Variants in TRMT2B observed in about 807,000 individuals in gnomAD.
TRMT2B encodes the protein tRNA methyltransferase 2B.
A neutral mutation model predicts 39.7 loss-of-function variants in TRMT2B; 34 were observed. The ratio of observed to expected loss-of-function variants is 0.86; its 90% CI spans 0.65 to 1.14. The LOEUF is 1.14. TRMT2B is among the 50% of genes most tolerant of loss of function. The pLI is 0.00. For missense variants in TRMT2B, 318 were observed against 377.2 expected, an observed-to-expected ratio of 0.84 and a Z score of 1.30; for synonymous variants, 132 against 137.3, an observed-to-expected ratio of 0.96 and a Z score of 0.27.
the TRMT2B span, among the ~76,000 whole-genome samples, chrX:100,991,223 G>C: frequency 0.044 from 4,853 of 111,408 alleles, 98 homozygotes; most frequent in Middle Eastern, 0.093. Context: ...ATGTCCTTGA[G>C]TGTCATGTCA....
chrX:100,995,805 T>C, the TRMT2B span, among the ~76,000 whole-genome samples: 87 of 112,162 alleles, frequency 7.8e-4, no homozygotes, highest in East Asian at 0.021. Flanking sequence ...TGAAATAATG[T>C]TAAGTGAAAA....
chrX:101,029,270 G>A (rs1274137185), intron 7 of TRMT2B, among the ~76,000 whole-genome samples: 1 of 110,655 alleles, frequency 9.0e-6, no homozygotes, highest in Non-Finnish European at 1.9e-5. Flanking sequence ...CTTATTCCAG[G>A]GTTTCTCAAC....
intron 13 of TRMT2B, among the ~76,000 whole-genome samples, chrX:101,017,333 T>C (rs1214651805): frequency 8.9e-6 from 1 of 111,918 alleles, no homozygotes; most frequent in Non-Finnish European, 1.9e-5. Flanking sequence ...CAGGTTTTTT[T>C]GTTTTGTAAG....
intron 13 of TRMT2B, chrX:101,015,551 A>G: frequency 1.9e-6 from 1 of 536,328 alleles, no homozygotes; most frequent in African/African-American, 2.5e-5. Flanking sequence ...AAATACCTTT[A>G]TAATATTGCC....
At chrX:101,032,738 T>C (rs2087564336) in intron 7 of TRMT2B, among the ~76,000 whole-genome samples, 1 of 95,316 alleles carries the variant, frequency 1.0e-5, no homozygotes, top group Non-Finnish European at 2.0e-5. Flanking sequence ...ATCGCACCAT[T>C]ACACTCCAGC....
At chrX:101,047,516 T>C (rs1191010500) in intron 2 of TRMT2B, among the ~76,000 whole-genome samples, 1 of 111,356 alleles carries the variant, frequency 9.0e-6, no homozygotes. Context: ...TGAAAGCACC[T>C]GGTTTTTGTT....
chrX:101,042,265 G>C lies in TRMT2B; in HGVS notation c.25C>G (p.Pro9Ala), dbSNP rs749483632. Residue 9 changes from proline (P) to alanine (A), a missense_variant, in exon 3 of 14, where the codon CCA becomes GCA. Transcript: ENST00000372936. The stretch of plus-strand genomic sequence containing the variant: ...ATGAAGTATCTGAGGCTGTGCAGTG[G>C]GACTCTTCTCTTAAGGCCTGCCATC... Reference protein sequence around the residue: MAGLKRRVPLHSLRYFISM... With the variant: MAGLKRRVALHSLRYFISM... The C allele has an allele frequency of 4.1e-6, 5 of 1,209,520 alleles. No homozygotes were observed. The East Asian group carries it at 1.5e-4, about 36-fold the overall frequency.
At chrX:101,020,084 T>C (rs1371927155) in intron 11 of TRMT2B, among the ~76,000 whole-genome samples, 1 of 111,848 alleles carries the variant, frequency 8.9e-6, no homozygotes, top group African/African-American at 3.2e-5. Context: ...AGATGATCTA[T>C]TTTCTATATT....
chrX:101,006,948 T>A (rs2086111349), downstream of TRMT2B, among the ~76,000 whole-genome samples: 1 of 112,068 alleles, frequency 8.9e-6, no homozygotes, highest in Admixed American at 9.6e-5. Flanking sequence ...AAGCAATGTT[T>A]ATATGCACTG....
At chrX:100,996,090 C>T in the TRMT2B span, among the ~76,000 whole-genome samples, 1 of 109,044 alleles carries the variant, frequency 9.2e-6, no homozygotes, top group East Asian at 2.8e-4. Context: ...GAACTGAATA[C>T]TAAGGGGGCT....
In TRMT2B at chrX:101,020,587, A is replaced by G; in HGVS notation, c.1068T>C (p.Gly356=). The change falls in exon 11 of 14, where the codon GGT becomes GGC. Residue 356 remains glycine, a splice_region_variant and synonymous_variant. Coordinates refer to ENST00000372936, the MANE Select transcript of TRMT2B (RefSeq NM_024917.6). ...GCTGAGCCAGAGAGAGGCCAATCAC[A>G]CCTGAAGAAGTAAACGAGAAGAAGA... ...TILLDICCGT[G]VIGLSLAQHT... 13 of 1,188,988 alleles carry G rather than the reference A, an allele frequency of 1.1e-5. No individual in the cohort carries two copies. The highest frequency in any genetic ancestry group is 1.4e-5 in the Non-Finnish European group (12 of 874,954).
chrX:100,996,773 A>T, the TRMT2B span, among the ~76,000 whole-genome samples: 1 of 110,737 alleles, frequency 9.0e-6, no homozygotes, highest in East Asian at 2.9e-4. Flanking sequence ...TTAGCCAGGC[A>T]TGTTGGCACA....
At chrX:101,019,208 C>T (rs773685361) in intron 12 of TRMT2B, 76 bp downstream of exon 12, 2 of 1,185,627 alleles carry the variant, frequency 1.7e-6, no homozygotes, top group Admixed American at 2.2e-5. Flanking sequence ...TGGGAGCACC[C>T]GTAGCATGGT....
At chrX:100,975,605 G>A in the TRMT2B span, among the ~76,000 whole-genome samples, 3 of 108,249 alleles carry the variant, frequency 2.8e-5, no homozygotes, top group Admixed American at 3.0e-4. Context: ...CCATTCACCT[G>A]AGACAACATG....
intron 2 of TRMT2B, among the ~76,000 whole-genome samples, chrX:101,048,198 T>A (rs542242434): frequency 9.2e-6 from 1 of 108,503 alleles, no homozygotes; most frequent in South Asian, 4.0e-4. Flanking sequence ...ATAAGCAACA[T>A]GGAGGATGAC....
intron 6 of TRMT2B, among the ~76,000 whole-genome samples, chrX:101,036,604 G>A (rs2087860899): frequency 9.0e-6 from 1 of 110,822 alleles, no homozygotes; most frequent in African/African-American, 3.3e-5. Context: ...TCAGAGATAT[G>A]GGGATGTGAA....
the TRMT2B span, among the ~76,000 whole-genome samples, chrX:101,002,073 T>C: frequency 6.3e-5 from 7 of 111,432 alleles, no homozygotes; most frequent in Non-Finnish European, 1.3e-4. Flanking sequence ...GGGGTTTATA[T>C]AGCATTTTCA....
chrX:100,977,852 G>T, the TRMT2B span, among the ~76,000 whole-genome samples: 1 of 112,015 alleles, frequency 8.9e-6, no homozygotes, highest in East Asian at 2.8e-4. Flanking sequence ...TTTTTTTATG[G>T]CTAAATAGTA....
intron 7 of TRMT2B, among the ~76,000 whole-genome samples, chrX:101,034,404 A>G (rs1440026046): frequency 9.2e-6 from 1 of 108,644 alleles, no homozygotes; most frequent in Admixed American, 1.0e-4. Flanking sequence ...AACCTCCCAA[A>G]GTGCTGGGAT....
Sources: allele counts gnomAD v4.1 joint callset (sites outside exome capture counted in the v4.1 genomes callset), GRCh38; gene constraint gnomAD v4.1.1; transcripts MANE v1.5; gene names NCBI Gene and HGNC (gene_info 2026-07-23, HGNC 2026-07-21).